NFASC: variants seen among roughly 807,000 people sequenced by gnomAD.
NFASC encodes the protein neurofascin homolog.
Under a neutral mutation model 147.5 loss-of-function variants are expected in NFASC, and 43 were observed. That is an observed-to-expected ratio of 0.29 (90% confidence interval 0.23 to 0.38). NFASC has a LOEUF of 0.38. NFASC is among the 10% of genes least tolerant of loss of function. NFASC has a pLI of 1.00. For synonymous variants in NFASC, 622 were observed against 665.5 expected (o/e 0.93, Z 1.01); for missense variants, 1,320 against 1,689.0 (o/e 0.78, Z 3.83).
chr1:204,994,483 G>A (rs2095804686), intron 24 of NFASC, among the ~76,000 whole-genome samples: 1 of 152,292 alleles, frequency 6.6e-6, no homozygotes, highest in Non-Finnish European at 1.5e-5. Flanking sequence ...ATGAGTGTGT[G>A]TGTGTCTCTG....
At chr1:204,866,613 A>G (rs2077128659) in intron 1 of NFASC, among the ~76,000 whole-genome samples, 1 of 152,050 alleles carries the variant, frequency 6.6e-6, no homozygotes, top group Non-Finnish European at 1.5e-5. Context: ...TGAGGCAGTG[A>G]GCACTCTTTC....
rs190605723 is a variant in NFASC at position 204,995,185 on chromosome 1, C to T, written c.2783-1985C>T. Among the ~76,000 whole-genome samples, 735 of 152,230 alleles carry T rather than the reference C, an allele frequency of 4.8e-3. 9 individuals are homozygous for T. Among genetic ancestry groups the T allele is most frequent in the African/African-American group, 0.014 (586 of 41,504 alleles). On this transcript the variant is annotated intron_variant, in intron 24 of 29. Transcript: ENST00000339876. ...ACAAAATAATTGCTCCAGGTCTGTG[C>T]CAGCAGCACAGAGCAGCGGAAAGAG...
chr1:204,946,584 G>A (rs946642478), intron 3 of NFASC: 43 of 458,066 alleles, frequency 9.4e-5, no homozygotes, highest in Admixed American at 1.4e-4. Flanking sequence ...AGTGGCCACC[G>A]AAGATGACAG....
intron 24 of NFASC, among the ~76,000 whole-genome samples, chr1:204,993,604 T>G (rs2095787846): frequency 6.6e-6 from 1 of 152,200 alleles, no homozygotes; most frequent in Admixed American, 6.5e-5. Context: ...AGGAAGGGCC[T>G]TGTGCTTCCA....
intron 24 of NFASC, among the ~76,000 whole-genome samples, chr1:204,991,851 A>C (rs1426263556): frequency 6.6e-6 from 1 of 152,270 alleles, no homozygotes; most frequent in Non-Finnish European, 1.5e-5. Flanking sequence ...AGAACAAGCA[A>C]GCATGTCCAT....
At chr1:204,999,569 T>G (rs558538009) in intron 25 of NFASC, 1 of 152,204 alleles carries the variant, frequency 6.6e-6, no homozygotes, top group African/African-American at 2.4e-5. Flanking sequence ...TGGCTTCAAG[T>G]GGCCAGTACA....
chr1:204,997,623 A>G (rs748369411), intron 25 of NFASC: 12 of 614,248 alleles, frequency 2.0e-5, no homozygotes, highest in Non-Finnish European at 3.5e-5. Context: ...ACACACACAC[A>G]CTCCTTGGGT....
intron 1 of NFASC, among the ~76,000 whole-genome samples, chr1:204,867,348 C>T (rs1330130927): frequency 6.6e-6 from 1 of 151,832 alleles, no homozygotes; most frequent in Admixed American, 6.6e-5. Context: ...CTAGGACAAA[C>T]AAACACACTG....
At chr1:204,847,490 G>T (rs1356787063) in intron 1 of NFASC, among the ~76,000 whole-genome samples, 1 of 152,180 alleles carries the variant, frequency 6.6e-6, no homozygotes, top group Non-Finnish European at 1.5e-5. Flanking sequence ...GTGAGACAGT[G>T]AGGAAGGAAG....
intron 1 of NFASC, among the ~76,000 whole-genome samples, chr1:204,862,485 TA>T (rs1283839977): frequency 6.6e-6 from 1 of 152,210 alleles, no homozygotes; most frequent in Non-Finnish European, 1.5e-5. Context: ...AGGCATATAA[TA>T]AAAAGTCGAT....
intron 3 of NFASC, 55 bp downstream of exon 3, chr1:204,944,461 GGGAGGGGA>G: frequency 9.1e-7 from 1 of 1,095,454 alleles, no homozygotes; most frequent in Non-Finnish European, 1.3e-6. Flanking sequence ...GCAGAGGGGT[GGGAGGGGA>G]GGGAAGGTCA....
At position 204,988,729 on chromosome 1, in the gene NFASC, G is replaced by A. The variant is rs770267859; in HGVS notation, c.2690G>A (p.Arg897His). 15 of 1,614,080 alleles carry A rather than the reference G, an allele frequency of 9.3e-6. No individual in the cohort carries two copies. Among genetic ancestry groups the A allele is most frequent in the Admixed American group, 6.7e-5 (4 of 60,006 alleles). Residue 897 changes from arginine to histidine, a missense_variant, in exon 23 of 30, where the codon CGC (arginine) becomes CAC (histidine). Physicochemically the swap from Arg to His is conservative, Grantham distance 29 (BLOSUM62 0). Coordinates refer to ENST00000339876, the MANE Select transcript of NFASC (RefSeq NM_001005388.3). ...AGAACGGACCCCGTGTCACGCTACC[G>A]CTTTACCCTCAGCGCCAGGACGCAG... ...VQRTDPVSRY[R>H]FTLSARTQVG... is the part of the protein sequence containing the mutation.
At chr1:204,959,193 C>A (rs893342838) in intron 8 of NFASC, among the ~76,000 whole-genome samples, 3 of 151,990 alleles carry the variant, frequency 2.0e-5, no homozygotes, top group African/African-American at 7.3e-5. Context: ...ATTCTGCCCT[C>A]CTCTAATCAT....
At chr1:204,871,427 G>T (rs542238447) in intron 1 of NFASC, among the ~76,000 whole-genome samples, 2 of 152,286 alleles carry the variant, frequency 1.3e-5, no homozygotes, top group South Asian at 2.1e-4. Flanking sequence ...AGGGTGTCTG[G>T]AAAAGTGAGA....
chr1:204,858,956 G>A (rs975073838), intron 1 of NFASC, among the ~76,000 whole-genome samples: 6 of 150,826 alleles, frequency 4.0e-5, no homozygotes, highest in South Asian at 2.1e-4. Flanking sequence ...CTTGCCCTCC[G>A]CTATTCAGTT....
chr1:204,889,755 C>A (rs1038223524), intron 1 of NFASC, among the ~76,000 whole-genome samples: 1 of 152,116 alleles, frequency 6.6e-6, no homozygotes, highest in Non-Finnish European at 1.5e-5. Flanking sequence ...AGAAACAGTC[C>A]GGGAAGGCCA....
intron 3 of NFASC, 45 bp downstream of exon 3, chr1:204,944,451 GC>G: frequency 1.7e-6 from 1 of 586,526 alleles, no homozygotes; most frequent in Non-Finnish European, 2.9e-6. Flanking sequence ...CTGATTTTGG[GC>G]AGAGGGGTGG....
intron 1 of NFASC, among the ~76,000 whole-genome samples, chr1:204,844,756 A>T (rs1676452747): frequency 6.6e-6 from 1 of 152,118 alleles, no homozygotes; most frequent in Non-Finnish European, 1.5e-5. Flanking sequence ...TAAACTTGAG[A>T]GGGGCAGCTG....
At chr1:204,828,910 C>T in intron 1 of NFASC, 128 bp downstream of exon 1, 2 of 497,768 alleles carry the variant, frequency 4.0e-6, no homozygotes, top group Non-Finnish European at 5.2e-6. Flanking sequence ...CGTCCACATT[C>T]CCATCCCTTC....
Sources: gnomAD v4.1 joint callset for allele counts (sites outside exome capture counted in the v4.1 genomes callset) on GRCh38, gnomAD v4.1.1 for gene constraint, MANE v1.5 for transcripts, NCBI Gene and HGNC (gene_info 2026-07-23, HGNC 2026-07-21) for gene names.